NAMPT: variants seen among roughly 807,000 people sequenced by gnomAD.
NAMPT encodes the protein NAmPRTase.
NAMPT carries 7 observed loss-of-function variants against 58.7 expected under a neutral mutation model. The observed-to-expected ratio is 0.12, with a 90% CI of 0.07 to 0.22. The LOEUF (loss-of-function observed/expected upper bound fraction) is 0.22. NAMPT is among the 10% of genes least tolerant of loss of function. The probability of loss-of-function intolerance (pLI) is 1.00; values close to 1 mark genes in which losing one functional copy is unlikely to be tolerated. For synonymous variants in NAMPT, 145 were observed against 198.1 expected, an observed-to-expected ratio of 0.73 and a Z score of 2.25; for missense variants, 271 against 567.9, an observed-to-expected ratio of 0.48 and a Z score of 5.31.
chr7:106,263,661 TG>T (rs1376936191), intron 6 of NAMPT, 44 bp from the exon 7 acceptor site: 1 of 1,416,184 alleles, frequency 7.1e-7, no homozygotes, highest in Non-Finnish European at 1.0e-6. Flanking sequence ...GGCAGACACT[TG>T]ATCTATCCCT....
intron 10 of NAMPT, 46 bp downstream of exon 10, chr7:106,252,971 G>T: frequency 6.3e-7 from 1 of 1,582,804 alleles, no homozygotes. Context: ...AATTTGGTGA[G>T]CCAACCTACT....
intron 4 of NAMPT, among the ~76,000 whole-genome samples, chr7:106,271,695 TA>T (rs1164005783): frequency 6.6e-6 from 1 of 152,178 alleles, no homozygotes; most frequent in Non-Finnish European, 1.5e-5. Flanking sequence ...GGACCTCTTA[TA>T]TTTCGATGTT....
chr7:106,252,201 C>G (rs1211303470), intron 10 of NAMPT, among the ~76,000 whole-genome samples: 2 of 152,018 alleles, frequency 1.3e-5, no homozygotes, highest in Non-Finnish European at 2.9e-5. Flanking sequence ...GTGACTTTAG[C>G]TCATCTAGGA....
At chr7:106,285,263 G>T (rs958743982), upstream of NAMPT, 3 of 822,514 alleles carry the variant, frequency 3.6e-6, no homozygotes, top group Non-Finnish European at 4.5e-6. Flanking sequence ...CCAGACGCCA[G>T]CTCTGGGAAG....
chr7:106,285,283 G>C, upstream of NAMPT: 1 of 732,806 alleles, frequency 1.4e-6, no homozygotes, highest in Non-Finnish European at 1.7e-6. Flanking sequence ...GCTGGAGGCA[G>C]CGGGGCAGCC....
chr7:106,251,811 C>T lies in NAMPT; in HGVS notation c.1366-618G>A, dbSNP rs576907070. Among the ~76,000 whole-genome samples the T allele has an allele frequency of 2.0e-5, 3 of 152,054 alleles. No individual in the cohort carries two copies. The East Asian group carries it at 5.8e-4, about 29-fold the overall frequency. ...ACAAAGGTAATCCACTTCATCCATA[C>T]AAGAGTAGCAAAGACAGATTGAAGA... On this transcript the variant is annotated intron_variant, in intron 10 of 10. Coordinates refer to ENST00000222553, the MANE Select transcript of NAMPT (RefSeq NM_005746.3).
At chr7:106,277,620 A>T (rs919613260) in intron 1 of NAMPT, among the ~76,000 whole-genome samples, 1 of 152,196 alleles carries the variant, frequency 6.6e-6, no homozygotes, top group African/African-American at 2.4e-5. Context: ...TACTTGTACA[A>T]TGAGGTACTG....
At position 106,271,376 on chromosome 7, in the gene NAMPT, C is replaced by T. The variant is rs1164569389; in HGVS notation, c.447+1154G>A. Among the ~76,000 whole-genome samples, 5 of 152,158 alleles carry T rather than the reference C, an allele frequency of 3.3e-5. No individual in the cohort carries two copies. In the East Asian group the frequency reaches 9.7e-4, roughly 29 times the overall value. ...GACAGAATTACCTATTTCCTGCTAC[C>T]AACTCAGCACTAATTCTTAATGATA... On this transcript the variant is annotated intron_variant, in intron 4 of 10. Coordinates refer to ENST00000222553, the MANE Select transcript of NAMPT (RefSeq NM_005746.3).
Position 106,249,893 on chromosome 7 carries a change from A to ATGTC in NAMPT, c.*1186_*1189dup, listed in dbSNP as rs1792078375. ...TAGCTAATCACTCTAGAACATTTTG[A>ATGTC]TGTCAAGCACTTTGAATTTAGCCAA... On this transcript the variant is annotated 3_prime_UTR_variant, in exon 11 of 11. Transcript: ENST00000222553. The ATGTC allele has an allele frequency of 1.3e-5, 2 of 152,048 alleles. 1 individual carries two copies. The highest frequency in any genetic ancestry group is 1.3e-4 in the Admixed American group (2 of 15,232). 9.4% of individuals were successfully genotyped at this position (152,048 alleles called of 1,614,324 possible). A position where few individuals can be genotyped will look rare whatever the true frequency, so the allele number is the denominator to read the frequency against.
intron 3 of NAMPT, among the ~76,000 whole-genome samples, chr7:106,273,776 T>G (rs1296400414): frequency 1.3e-5 from 2 of 152,174 alleles, no homozygotes; most frequent in African/African-American, 4.8e-5. Flanking sequence ...ACAGATTCTA[T>G]TGACCTTATT....
chr7:106,257,641 C>A (rs191392913), intron 8 of NAMPT, among the ~76,000 whole-genome samples: 2 of 147,316 alleles, frequency 1.4e-5, no homozygotes, highest in African/African-American at 2.5e-5. Context: ...AAAAAAAAAT[C>A]GCACATACAT....
intron 6 of NAMPT, among the ~76,000 whole-genome samples, chr7:106,267,861 A>C (rs965173023): frequency 2.2e-5 from 3 of 134,982 alleles, no homozygotes; most frequent in African/African-American, 5.3e-5. Flanking sequence ...AAAAAAAAAA[A>C]AAAAAAAAAA....
At position 106,267,867 on chromosome 7, in the gene NAMPT, A is replaced by AC. The variant is rs1562815966; in HGVS notation, c.743+596_743+597insG. Among the ~76,000 whole-genome samples, 278 of 140,090 alleles carry AC rather than the reference A, an allele frequency of 2.0e-3. 7 individuals are homozygous for AC. The highest frequency in any genetic ancestry group is 6.6e-3 in the African/African-American group (260 of 39,116). The allele number at this position is 140,090 out of a possible 152,430, so 91.9% of individuals were successfully genotyped here. A position where few individuals can be genotyped will look rare whatever the true frequency, so the allele number is the denominator to read the frequency against. The stretch of plus-strand genomic sequence containing the variant: ...AAAAAAAAAAAAAAAAAAAAAAAAA[A>AC]AAAAAAAAACAACCTGATTTACTTT... On this transcript the variant is annotated intron_variant, in intron 6 of 10. Coordinates refer to ENST00000222553, the MANE Select transcript of NAMPT (RefSeq NM_005746.3).
intron 3 of NAMPT, among the ~76,000 whole-genome samples, chr7:106,272,871 G>A (rs1239526592): frequency 6.6e-6 from 1 of 152,170 alleles, no homozygotes; most frequent in Non-Finnish European, 1.5e-5. Flanking sequence ...TAATTTTTAA[G>A]TTTAATGCTG....
intron 4 of NAMPT, chr7:106,271,836 A>G (rs1283351659): frequency 6.4e-6 from 1 of 155,066 alleles, no homozygotes; most frequent in Non-Finnish European, 1.5e-5. Flanking sequence ...TGTTATTTCT[A>G]TAGTAACTTT....
rs1217578418 is a variant in NAMPT at position 106,249,978 on chromosome 7, T to C, written c.*1105A>G. On this transcript the variant is annotated 3_prime_UTR_variant, in exon 11 of 11. Coordinates refer to ENST00000222553, the MANE Select transcript of NAMPT (RefSeq NM_005746.3). ...TTTCATTGGAGATAATTTATCTTCA[T>C]TTAAGAATGTGCTTCAGTATTACTT... 1.3e-5 allele frequency: 2 copies of C among 152,104 alleles called. No homozygotes were observed. The highest frequency in any genetic ancestry group is 4.8e-5 in the African/African-American group (2 of 41,444). 9.4% of individuals were successfully genotyped at this position (152,104 alleles called of 1,614,324 possible).
At chr7:106,272,452 A>T (rs920656730) in intron 4 of NAMPT, 78 bp downstream of exon 4, 1 of 1,332,126 alleles carries the variant, frequency 7.5e-7, no homozygotes, top group African/African-American at 1.5e-5. Context: ...CTTTATTAGT[A>T]ACAAATTCTA....
Position 106,269,259 on chromosome 7 carries a change from C to T in NAMPT, c.501G>A (p.Glu167=), listed in dbSNP as rs777757297. 2 of 1,613,512 alleles carry T rather than the reference C, an allele frequency of 1.2e-6. No homozygotes were observed. Among genetic ancestry groups the T allele is most frequent in the Non-Finnish European group, 1.7e-6 (2 of 1,179,600 alleles). ...YPITVATNSR[E]QKKILAKYLL... ...AATATTTGGCCAATATTTTCTTCTG[C>T]TCTCTAGAATTTGTGGCCACTGTGA... The change falls in exon 5 of 11, where the codon GAG becomes GAA. Residue 167 remains glutamate, a synonymous_variant. Coordinates refer to ENST00000222553, the MANE Select transcript of NAMPT (RefSeq NM_005746.3).
chr7:106,267,416 C>T (rs974651380), intron 6 of NAMPT, among the ~76,000 whole-genome samples: 1 of 152,186 alleles, frequency 6.6e-6, no homozygotes, highest in Non-Finnish European at 1.5e-5. Flanking sequence ...TAAAGCTTAG[C>T]TTGATTCTAA....
Sources: allele counts gnomAD v4.1 joint callset (sites outside exome capture counted in the v4.1 genomes callset), GRCh38; gene constraint gnomAD v4.1.1; transcripts MANE v1.5; gene names NCBI Gene and HGNC (gene_info 2026-07-23, HGNC 2026-07-21).